Variants in DNAH11 observed in about 807,000 individuals in gnomAD.
DNAH11 encodes axonemal beta dynein heavy chain 11.
A neutral mutation model predicts 526.0 loss-of-function variants in DNAH11; 442 were observed. The ratio of observed to expected loss-of-function variants is 0.84; its 90% confidence interval spans 0.78 to 0.91. The LOEUF is 0.91. Among genes scored for constraint, DNAH11 ranks in the 40% least tolerant of loss-of-function variants. The pLI, the probability that DNAH11 is intolerant of heterozygous loss-of-function variation, is 0.00. For missense variants in DNAH11, 6,989 were observed against 5,448.7 expected (o/e 1.28, Z -8.90); for synonymous variants, 2,461 against 1,935.9 (o/e 1.27, Z -7.12).
intron 26 of DNAH11, 58 bp from the exon 27 acceptor site, chr7:21,637,553 T>G (rs562378834): frequency 8.7e-7 from 1 of 1,148,810 alleles, no homozygotes; most frequent in East Asian, 2.6e-5. Flanking sequence ...TTGAAATGAT[T>G]AAAAGTTTAG....
chr7:21,712,550 T>A (rs935575586), intron 42 of DNAH11, among the ~76,000 whole-genome samples: 1 of 152,228 alleles, frequency 6.6e-6, no homozygotes, highest in Non-Finnish European at 1.5e-5. Context: ...ATTTTCCCTT[T>A]TTCTAACAGT....
At chr7:21,578,475 A>G (rs12667186) in intron 8 of DNAH11, among the ~76,000 whole-genome samples, 23,863 of 152,220 alleles carry the variant, frequency 0.16, 2,465 homozygotes, top group East Asian at 0.5. Flanking sequence ...AGCCCCCACA[A>G]CTGCTTTCAC....
At chr7:21,667,979 G>A (rs62445268) in intron 30 of DNAH11, among the ~76,000 whole-genome samples, 7,855 of 152,180 alleles carry the variant, frequency 0.052, 232 homozygotes, top group Non-Finnish European at 0.06. Context: ...ATTTTATCAT[G>A]GGAAAGGTAA....
At chr7:21,585,992 T>A (rs1434206346) in intron 9 of DNAH11, among the ~76,000 whole-genome samples, 2 of 152,160 alleles carry the variant, frequency 1.3e-5, no homozygotes, top group Non-Finnish European at 2.9e-5. Context: ...AAGCAAGAGG[T>A]TGAAATGACC....
At chr7:21,622,273 G>A (rs1012547733) in intron 25 of DNAH11, among the ~76,000 whole-genome samples, 3 of 152,060 alleles carry the variant, frequency 2.0e-5, no homozygotes, top group African/African-American at 4.8e-5. Flanking sequence ...GGATGTGAAG[G>A]ACCTCTTCAA....
chr7:21,749,017 T>A (rs1368327627), intron 52 of DNAH11, among the ~76,000 whole-genome samples: 1 of 152,204 alleles, frequency 6.6e-6, no homozygotes, highest in Non-Finnish European at 1.5e-5. Context: ...TACACAAATG[T>A]CTTTCTGTTT....
intron 12 of DNAH11, among the ~76,000 whole-genome samples, chr7:21,590,608 A>T (rs1784636202): frequency 6.6e-6 from 1 of 152,200 alleles, no homozygotes; most frequent in South Asian, 2.1e-4. Context: ...TTATTTTGCT[A>T]GTAAAACTCA....
intron 28 of DNAH11, among the ~76,000 whole-genome samples, chr7:21,641,279 C>A (rs1414020601): frequency 6.6e-6 from 1 of 152,156 alleles, no homozygotes; most frequent in Non-Finnish European, 1.5e-5. Flanking sequence ...TTCTACCTTA[C>A]CCAAAAAAGG....
At chr7:21,885,700 A>G (rs543682923) in intron 76 of DNAH11, among the ~76,000 whole-genome samples, 1 of 152,308 alleles carries the variant, frequency 6.6e-6, no homozygotes, top group African/African-American at 2.4e-5. Context: ...ATATACATGT[A>G]TCAAAACATC....
intron 65 of DNAH11, among the ~76,000 whole-genome samples, chr7:21,827,914 T>C (rs959981563): frequency 2.0e-5 from 3 of 152,140 alleles, no homozygotes; most frequent in Non-Finnish European, 4.4e-5. Flanking sequence ...TAGAATGTAC[T>C]TTCTTGAGCT....
intron 8 of DNAH11, among the ~76,000 whole-genome samples, chr7:21,580,287 G>T (rs180906246): frequency 6.6e-6 from 1 of 152,304 alleles, no homozygotes; most frequent in African/African-American, 2.4e-5. Flanking sequence ...AGGGATGTTA[G>T]GCGTGTTAAA....
intron 65 of DNAH11, among the ~76,000 whole-genome samples, chr7:21,826,329 CAAAGT>C (rs1359654045): frequency 3.1e-4 from 47 of 151,942 alleles, no homozygotes; most frequent in African/African-American, 1.1e-3. Context: ...CATACATATG[CAAAGT>C]AGGAGATATG....
intron 56 of DNAH11, among the ~76,000 whole-genome samples, chr7:21,775,621 A>G (rs907084429): frequency 6.6e-6 from 1 of 151,700 alleles, no homozygotes; most frequent in Non-Finnish European, 1.5e-5. Flanking sequence ...GTCTCAAAAA[A>G]AAAAAACAAG....
intron 76 of DNAH11, among the ~76,000 whole-genome samples, chr7:21,887,304 C>T (rs1784161770): frequency 6.6e-6 from 1 of 152,102 alleles, no homozygotes; most frequent in South Asian, 2.1e-4. Context: ...GGTCTCTGGC[C>T]AAAGTCAAGA....
chr7:21,608,636 A>G (rs1263728574), intron 20 of DNAH11, among the ~76,000 whole-genome samples: 2 of 152,262 alleles, frequency 1.3e-5, no homozygotes, highest in Non-Finnish European at 2.9e-5. Context: ...AGGTTAGAGT[A>G]TGCTAATATA....
At chr7:21,828,266 A>G (rs1443244289) in intron 65 of DNAH11, among the ~76,000 whole-genome samples, 2 of 152,130 alleles carry the variant, frequency 1.3e-5, no homozygotes, top group African/African-American at 4.8e-5. Context: ...TGGATTTTAA[A>G]TAAACTCTAG....
chr7:21,605,725 T>C (rs1015663697), intron 18 of DNAH11, among the ~76,000 whole-genome samples: 1 of 152,202 alleles, frequency 6.6e-6, no homozygotes, highest in African/African-American at 2.4e-5. Context: ...TTTCACTTGC[T>C]AAATTACTAA....
chr7:21,819,641 C>T (rs571352206), intron 65 of DNAH11, among the ~76,000 whole-genome samples: 22 of 152,208 alleles, frequency 1.4e-4, no homozygotes, highest in Non-Finnish European at 1.3e-4. Flanking sequence ...TTTCAACTTT[C>T]AATAGCACAA....
intron 62 of DNAH11, among the ~76,000 whole-genome samples, chr7:21,802,936 CTA>C (rs148943827): frequency 6.7e-6 from 1 of 149,016 alleles, no homozygotes; most frequent in Admixed American, 6.7e-5. Context: ...TTGTGCAAGT[CTA>C]TATATATATA....
Sources: allele counts gnomAD v4.1 joint callset (sites outside exome capture counted in the v4.1 genomes callset), GRCh38; gene constraint gnomAD v4.1.1; transcripts MANE v1.5; gene names NCBI Gene and HGNC (gene_info 2026-07-23, HGNC 2026-07-21).